Variants in SUMF1 observed in about 807,000 individuals in gnomAD.
SUMF1 encodes sulfatase modifying factor 1.
A neutral mutation model predicts 47.6 loss-of-function variants in SUMF1; 48 were observed. The observed-to-expected ratio is 1.01, with a 90% CI of 0.80 to 1.28. SUMF1 has a LOEUF of 1.28. SUMF1 is among the 50% of genes most tolerant of loss of function. The pLI, the probability that SUMF1 is intolerant of heterozygous loss-of-function variation, is 0.00. For synonymous variants in SUMF1, 230 were observed against 192.1 expected (o/e 1.20, Z -1.63); for missense variants, 571 against 485.4 (o/e 1.18, Z -1.66).
intron 8 of SUMF1, among the ~76,000 whole-genome samples, chr3:4,262,938 A>G (rs1697116550): frequency 6.6e-6 from 1 of 152,202 alleles, no homozygotes; most frequent in African/African-American, 2.4e-5. Flanking sequence ...AAGCACAACT[A>G]TGCCCTAACC....
chr3:4,410,857 A>G lies in SUMF1; in HGVS notation c.954+8T>C. On this transcript the variant is annotated splice_region_variant and intron_variant, in intron 7 of 8. Coordinates refer to ENST00000272902, the MANE Select transcript of SUMF1 (RefSeq NM_182760.4). ...TTCCAAGACACATGCTCTGTGAATA[A>G]TACTCACTGGGTTAAGCGTTTCTTC... 1 of 1,612,700 alleles carries G rather than the reference A, an allele frequency of 6.2e-7. No individual in the cohort carries two copies. The highest frequency in any genetic ancestry group is 8.5e-7 in the Non-Finnish European group (1 of 1,178,710).
chr3:4,449,192 G>A, intron 3 of SUMF1, 74 bp downstream of exon 3: 1 of 1,505,036 alleles, frequency 6.6e-7, no homozygotes, highest in Admixed American at 1.7e-5. Context: ...TGACACATGT[G>A]GTTTGGATTT....
intron 8 of SUMF1, among the ~76,000 whole-genome samples, chr3:4,276,376 A>G (rs1244802525): frequency 7.0e-6 from 1 of 142,384 alleles, no homozygotes; most frequent in East Asian, 1.9e-4. Flanking sequence ...TTCAAAATAT[A>G]ACTATCTTTT....
chr3:4,124,478 T>C (rs1693611697), intron 8 of SUMF1, among the ~76,000 whole-genome samples: 1 of 152,136 alleles, frequency 6.6e-6, no homozygotes, highest in Non-Finnish European at 1.5e-5. Flanking sequence ...TCTAATCCCT[T>C]CCCTGTTGAT....
rs74684620 is a variant in SUMF1, at chr3:4,207,521, T to C, written c.1015-138776A>G. Among the ~76,000 whole-genome samples the C allele has an allele frequency of 9.6e-3, 1,466 of 152,228 alleles. 21 individuals carry two copies. The highest frequency in any genetic ancestry group is 0.032 in the African/African-American group (1,339 of 41,558). On this transcript the variant is annotated intron_variant and NMD_transcript_variant, in intron 8 of 12. Transcript: ENST00000448413. The stretch of plus-strand genomic sequence containing the variant: ...GTTGAAAATTTTTACCATGAATGTA[T>C]GTTGGATATTTTCAAACGTTTTTAT...
chr3:4,045,421 C>T (rs1694987801), intron 9 of SUMF1, among the ~76,000 whole-genome samples: 1 of 151,720 alleles, frequency 6.6e-6, no homozygotes, highest in South Asian at 2.1e-4. Context: ...TTCATCCATC[C>T]ATCTTTCTGC....
intron 6 of SUMF1, among the ~76,000 whole-genome samples, chr3:4,415,735 C>T (rs927900090): frequency 3.9e-5 from 6 of 152,156 alleles, no homozygotes; most frequent in Non-Finnish European, 7.3e-5. Context: ...ATTGGTTGAA[C>T]CCAGGAGACA....
intron 8 of SUMF1, among the ~76,000 whole-genome samples, chr3:4,202,678 T>C (rs1695565915): frequency 6.6e-6 from 1 of 152,086 alleles, no homozygotes; most frequent in Non-Finnish European, 1.5e-5. Flanking sequence ...TTGCATTGAA[T>C]CTGTAGATTG....
chr3:4,416,698 G>T (rs1701724177), intron 6 of SUMF1, among the ~76,000 whole-genome samples: 1 of 151,566 alleles, frequency 6.6e-6, no homozygotes, highest in African/African-American at 2.4e-5. Context: ...TTACAGAGTT[G>T]AATGGACAGT....
intron 8 of SUMF1, among the ~76,000 whole-genome samples, chr3:4,238,853 C>T (rs1282867797): frequency 6.6e-6 from 1 of 152,082 alleles, no homozygotes; most frequent in African/African-American, 2.4e-5. Flanking sequence ...TTTGCCCATG[C>T]CTATGTCCTG....
chr3:4,245,833 T>C (rs992966709), intron 8 of SUMF1, among the ~76,000 whole-genome samples: 1 of 152,202 alleles, frequency 6.6e-6, no homozygotes, highest in African/African-American at 2.4e-5. Context: ...GGTTCAGATA[T>C]GCCCTGCCCC....
At chr3:4,313,972 T>G in intron 8 of SUMF1, 1 of 885,126 alleles carries the variant, frequency 1.1e-6, no homozygotes, top group Non-Finnish European at 1.7e-6. Flanking sequence ...CCTAGTTAGA[T>G]TTGTCTTAGT....
Position 4,140,453 on chromosome 3 carries a change from T to A in SUMF1, c.1015-71708A>T, listed in dbSNP as rs75784537. 9.0e-3 allele frequency among the ~76,000 whole-genome samples: 1,374 copies of A among 152,188 alleles called. 23 individuals carry two copies. The highest frequency in any genetic ancestry group is 0.031 in the African/African-American group (1,288 of 41,522). On this transcript the variant is annotated intron_variant and NMD_transcript_variant, in intron 8 of 12. Transcript: ENST00000448413. ...CCTAGAACTCTACTATTTGTCTATT[T>A]CAGTTTTCAAGTAGAGTTTAGTATT...
chr3:4,111,319 C>G (rs1453030703), intron 8 of SUMF1, among the ~76,000 whole-genome samples: 2 of 152,064 alleles, frequency 1.3e-5, no homozygotes, highest in Admixed American at 6.5e-5. Flanking sequence ...CTGTGCAATT[C>G]AAACCCATGT....
chr3:4,163,740 A>G (rs138282604), intron 8 of SUMF1, among the ~76,000 whole-genome samples: 2,302 of 152,054 alleles, frequency 0.015, 73 homozygotes, highest in African/African-American at 0.054. Context: ...TGTTCTTTCA[A>G]TTTTACCAGT....
intron 8 of SUMF1, among the ~76,000 whole-genome samples, chr3:4,258,307 C>T (rs1170131703): frequency 6.8e-6 from 1 of 147,072 alleles, no homozygotes; most frequent in Non-Finnish European, 1.5e-5. Flanking sequence ...AAAGAAACTA[C>T]CATCAGAGTG....
chr3:4,265,260 T>C (rs1697168007), intron 8 of SUMF1, among the ~76,000 whole-genome samples: 2 of 152,130 alleles, frequency 1.3e-5, no homozygotes, highest in Non-Finnish European at 2.9e-5. Context: ...GCTCATGTTT[T>C]CTAAGAATCT....
chr3:4,249,428 G>A lies in SUMF1; in HGVS notation c.1014+126902C>T, dbSNP rs375395951. On this transcript the variant is annotated intron_variant and NMD_transcript_variant, in intron 8 of 12. Transcript: ENST00000448413. Reference sequence around the variant, plus strand: ...TCTGTGTCACGTTTTGGTAATTCTCGCAATATTTCAAATTTTTATTATTAT... The same window carrying A: ...TCTGTGTCACGTTTTGGTAATTCTCACAATATTTCAAATTTTTATTATTAT... 4.2e-4 allele frequency among the ~76,000 whole-genome samples: 63 copies of A among 151,620 alleles called. 1 individual carries two copies. Among genetic ancestry groups the A allele is most frequent in the Non-Finnish European group, 6.3e-4 (43 of 67,926 alleles).
chr3:4,401,182 T>C (rs544428942), intron 7 of SUMF1, among the ~76,000 whole-genome samples: 1 of 152,132 alleles, frequency 6.6e-6, no homozygotes, highest in Non-Finnish European at 1.5e-5. Context: ...CCATGGTGTA[T>C]ATGTGCCACA....
Sources: allele counts gnomAD v4.1 joint callset (sites outside exome capture counted in the v4.1 genomes callset), GRCh38; gene constraint gnomAD v4.1.1; transcripts MANE v1.5; gene names NCBI Gene and HGNC (gene_info 2026-07-23, HGNC 2026-07-21).